Variants in FAM170B observed in about 807,000 individuals in gnomAD.
FAM170B encodes protein FAM170B.
Under a neutral mutation model 3.9 loss-of-function variants are expected in FAM170B, and 4 were observed. That is an observed-to-expected ratio of 1.01 (90% CI 0.50 to 2.32). FAM170B has a LOEUF of 2.32. Among genes scored for constraint, FAM170B ranks in the 30% most tolerant of loss-of-function variants. The pLI is 0.02. For synonymous variants in FAM170B, 163 were observed against 149.8 expected, an observed-to-expected ratio of 1.09 and a Z score of -0.64; for missense variants, 417 against 368.6, an observed-to-expected ratio of 1.13 and a Z score of -1.07.
rs1845180004 is a variant in FAM170B, at chr10:49,131,451, TC to T, written c.*161del. The T allele has an allele frequency of 9.9e-7, 1 of 1,008,720 alleles. No homozygotes were observed. Among genetic ancestry groups the T allele is most frequent in the Admixed American group, 3.0e-5 (1 of 32,906 alleles). The allele number at this position is 1,008,720 out of a possible 1,614,324, so 62.5% of individuals were successfully genotyped here. A position where few individuals can be genotyped will look rare whatever the true frequency, so the allele number is the denominator to read the frequency against. On this transcript the variant is annotated 3_prime_UTR_variant, in exon 2 of 2. Transcript: ENST00000311787. ...GCTGTGCCTAGGGCAGGAAGGGGGT[TC>T]CTTCCAGTCTCCTGGCCCTCCTTGC...
Position 49,132,369 on chromosome 10 carries a change from C to T in FAM170B, c.113-17G>A, listed in dbSNP as rs567395814. The T allele has an allele frequency of 1.3e-6, 2 of 1,514,330 alleles. No homozygotes were observed. Among genetic ancestry groups the T allele is most frequent in the African/African-American group, 2.8e-5 (2 of 72,620 alleles). 93.8% of individuals were successfully genotyped at this position (1,514,330 alleles called of 1,614,324 possible). ...GTATAGTCCCTGAGAAGCAGAAGGACATTGTCATCAGTGCCCTTTAAGGGA... is the reference window on the plus strand; with the variant it reads ...GTATAGTCCCTGAGAAGCAGAAGGATATTGTCATCAGTGCCCTTTAAGGGA... On this transcript the variant is annotated splice_polypyrimidine_tract_variant and intron_variant, in intron 1 of 1. Transcript: ENST00000311787.
Position 49,131,858 on chromosome 10 carries a change from C to G in FAM170B, c.607G>C (p.Gly203Arg). The G allele has an allele frequency of 9.7e-6, 15 of 1,546,368 alleles. No homozygotes were observed. Among genetic ancestry groups the G allele is most frequent in the Non-Finnish European group, 1.2e-5 (14 of 1,146,866 alleles). Residue 203 changes from glycine (G) to arginine (R), a missense_variant, in exon 2 of 2, where the codon GGG (glycine) becomes CGG (arginine). By Grantham distance (125) the Gly-to-Arg change is moderately radical. Coordinates refer to ENST00000311787, the MANE Select transcript of FAM170B (RefSeq NM_001164484.2). Reference protein sequence around the residue: ...PPDWLVTTNYGVRCVACCRVL... With the variant: ...PPDWLVTTNYRVRCVACCRVL... ...CTGCAGCAGGCCACGCAGCGCACCCCGTAGTTGGTGGTGACCAGCCAGTCC... is the reference window on the plus strand; with the variant it reads ...CTGCAGCAGGCCACGCAGCGCACCCGGTAGTTGGTGGTGACCAGCCAGTCC...
Position 49,131,758 on chromosome 10 carries a change from A to C in FAM170B, c.707T>G (p.Phe236Cys). The change falls in exon 2 of 2, where the codon TTT becomes TGT. Residue 236 changes from phenylalanine to cysteine, a missense_variant. Phe to Cys is a radical substitution (Grantham distance 205, BLOSUM62 -2). Coordinates refer to ENST00000311787, the MANE Select transcript of FAM170B (RefSeq NM_001164484.2). ...GIREGFSCQI[F>C]FEEMLERRRA... Reference sequence around the variant, plus strand: ...CCTTCTCTCCAGCATCTCCTCAAAAAAGATCTGACAGCTGAAGCCCTCCCG... The same window carrying C: ...CCTTCTCTCCAGCATCTCCTCAAAACAGATCTGACAGCTGAAGCCCTCCCG... 2 of 1,551,526 alleles carry C rather than the reference A, an allele frequency of 1.3e-6. No homozygotes were observed. The highest frequency in any genetic ancestry group is 1.7e-6 in the Non-Finnish European group (2 of 1,147,000).
Position 49,132,259 on chromosome 10 carries a change from C to T in FAM170B, c.206G>A (p.Arg69Gln). 2 of 1,551,358 alleles carry T rather than the reference C, an allele frequency of 1.3e-6. No homozygotes were observed. The highest frequency in any genetic ancestry group is 1.7e-6 in the Non-Finnish European group (2 of 1,146,932). ...TGAGGATGGGGAGCTGCTCCAGTCC[C>T]GCATCCCCCGGTCCCTGGCAGCGAA... Reference protein sequence around the residue: ...LYFAARDRGMRDWSSSPSSES... With the variant: ...LYFAARDRGMQDWSSSPSSES... The change falls in exon 2 of 2, where the codon CGG becomes CAG. Residue 69 changes from arginine (R) to glutamine (Q), a missense_variant. By Grantham distance (43) the Arg-to-Gln change is conservative. Transcript: ENST00000311787.
At position 49,131,713 on chromosome 10, in the gene FAM170B, T is replaced by C. The variant is rs201873288; in HGVS notation, c.752A>G (p.His251Arg). 9 of 1,551,776 alleles carry C rather than the reference T, an allele frequency of 5.8e-6. No homozygotes were observed. Among genetic ancestry groups the C allele is most frequent in the Admixed American group, 3.9e-5 (2 of 51,014 alleles). Residue 251 changes from histidine to arginine, a missense_variant, in exon 2 of 2, where the codon CAT (histidine) becomes CGT (arginine). Physicochemically the swap from His to Arg is conservative, Grantham distance 29. Transcript: ENST00000311787. ...LERRRAQGQA[H>R]DQQLEEEQSP... ...CTGCTCCTCCTCCAGCTGTTGGTCA[T>C]GTGCTTGGCCCTGAGCCCGCCTTCT...
chr10:49,132,161 C>T lies in FAM170B; in HGVS notation c.304G>A (p.Ala102Thr). 1.3e-6 allele frequency: 2 copies of T among 1,551,780 alleles called. No individual in the cohort carries two copies. The highest frequency in any genetic ancestry group is 1.7e-6 in the Non-Finnish European group (2 of 1,146,998). The part of the protein sequence containing the change: ...CSCMCDEDNA[A>T]PQSVCAFYTH... ...TAGAAGGCACACACACTCTGCGGAGCAGCATTGTCCTCATCGCACATGCAG... is the reference window on the plus strand; with the variant it reads ...TAGAAGGCACACACACTCTGCGGAGTAGCATTGTCCTCATCGCACATGCAG... Residue 102 changes from alanine to threonine, a missense_variant, in exon 2 of 2, where the codon GCT becomes ACT. Physicochemically the swap from Ala to Thr is moderately conservative, Grantham distance 58 (BLOSUM62 0). Coordinates refer to ENST00000311787, the MANE Select transcript of FAM170B (RefSeq NM_001164484.2).
In FAM170B at chr10:49,133,867, T is replaced by C; in HGVS notation, c.52A>G (p.Thr18Ala). ...HRGEQSPTDGTTLSLTSPEST... is the reference protein window; with the variant it reads ...HRGEQSPTDGATLSLTSPEST... ...TCAGGGCTGGTCAAGCTGAGGGTGGTCCCATCGGTGGGTGACTGTTCTCCC... is the reference window on the plus strand; with the variant it reads ...TCAGGGCTGGTCAAGCTGAGGGTGGCCCCATCGGTGGGTGACTGTTCTCCC... The change falls in exon 1 of 2, where the codon ACC (threonine) becomes GCC (alanine). Residue 18 changes from threonine (T) to alanine (A), a missense_variant. Thr to Ala is a moderately conservative substitution (Grantham distance 58, BLOSUM62 0). Transcript: ENST00000311787. 1 of 1,551,694 alleles carries C rather than the reference T, an allele frequency of 6.4e-7. No individual in the cohort carries two copies. The highest frequency in any genetic ancestry group is 2.4e-5 in the East Asian group (1 of 40,914).
intron 1 of FAM170B, among the ~76,000 whole-genome samples, chr10:49,133,210 T>TCAC (rs1433721344): frequency 6.6e-6 from 1 of 152,218 alleles, no homozygotes; most frequent in Admixed American, 6.5e-5. Flanking sequence ...TGACCTGTCT[T>TCAC]CACCTTCCCG....
rs758473535 is a variant in FAM170B at position 49,132,065 on chromosome 10, T to G, written c.400A>C (p.Arg134=). The G allele has an allele frequency of 6.4e-7, 1 of 1,551,748 alleles. No homozygotes were observed. Among genetic ancestry groups the G allele is most frequent in the South Asian group, 1.2e-5 (1 of 84,066 alleles). ...TGGGCTTCATGGATGCGGGGCTTCC[T>G]GGTGACCGGCTCGAAGCCGGCCTCC... The part of the protein sequence containing the change: ...ETEAGFEPVT[R]KPRIHEAQFI... Residue 134 remains arginine, a synonymous_variant, in exon 2 of 2, where the codon AGG becomes CGG. Coordinates refer to ENST00000311787, the MANE Select transcript of FAM170B (RefSeq NM_001164484.2).
In FAM170B at chr10:49,131,934, G is replaced by T. The variant is rs1250736000; in HGVS notation, c.531C>A (p.Pro177=). ...EACKSNCSPE[P]EDIDLLECCL... is the part of the protein sequence containing the mutation. ...AGCACTCCAGCAGGTCTATGTCCTC[G>T]GGCTCGGGGCTGCAGTTGCTCTTGC... Residue 177 remains proline (P), a synonymous_variant, in exon 2 of 2, where the codon CCC becomes CCA. Transcript: ENST00000311787. 1 of 1,550,118 alleles carries T rather than the reference G, an allele frequency of 6.5e-7. No homozygotes were observed. The highest frequency in any genetic ancestry group is 1.2e-5 in the South Asian group (1 of 84,066).
chr10:49,131,566 T>C lies in FAM170B; in HGVS notation c.*47A>G, dbSNP rs1377236642. On this transcript the variant is annotated 3_prime_UTR_variant, in exon 2 of 2. Coordinates refer to ENST00000311787, the MANE Select transcript of FAM170B (RefSeq NM_001164484.2). ...ATACTGCTGGCTGGGGAAGGAGCAG[T>C]CCCAGGCCCTGGAGGTGAGGGCAGG... 6.6e-7 allele frequency: 1 copy of C among 1,510,172 alleles called. No homozygotes were observed. The highest frequency in any genetic ancestry group is 1.4e-5 in the African/African-American group (1 of 72,448). The allele number at this position is 1,510,172 out of a possible 1,614,324, so 93.5% of individuals were successfully genotyped here.
chr10:49,133,294 T>C (rs1201235427), intron 1 of FAM170B, among the ~76,000 whole-genome samples: 1 of 152,162 alleles, frequency 6.6e-6, no homozygotes, highest in Non-Finnish European at 1.5e-5. Flanking sequence ...AAGTTTAATA[T>C]TCAAAACAAC....
At chr10:49,132,845 C>CAA (rs111650567) in intron 1 of FAM170B, among the ~76,000 whole-genome samples, 46 of 142,774 alleles carry the variant, frequency 3.2e-4, no homozygotes, top group African/African-American at 1.1e-3. Context: ...AGAATGTGAA[C>CAA]AAAAAAAAAA....
At position 49,131,778 on chromosome 10, in the gene FAM170B, C is replaced by T; in HGVS notation, c.687G>A (p.Glu229=). ...LLEHAQHGIR[E]GFSCQIFFEE... ...CAAAAAAGATCTGACAGCTGAAGCCCTCCCGGATGCCATGCTGGGCGTGCT... is the reference window on the plus strand; with the variant it reads ...CAAAAAAGATCTGACAGCTGAAGCCTTCCCGGATGCCATGCTGGGCGTGCT... The change falls in exon 2 of 2, where the codon GAG becomes GAA. Residue 229 remains glutamate (E), a synonymous_variant. Transcript: ENST00000311787. 24 of 1,551,056 alleles carry T rather than the reference C, an allele frequency of 1.5e-5. No homozygotes were observed. Among genetic ancestry groups the T allele is most frequent in the Admixed American group, 2.0e-5 (1 of 51,014 alleles).
In FAM170B at chr10:49,131,416, TG is replaced by T; in HGVS notation, c.*196del. The stretch of plus-strand genomic sequence containing the variant: ...CTCGTTTGGGTTTTGAAATGGACTC[TG>T]GTGGAGATGCTGTGCCTAGGGCAGG... On this transcript the variant is annotated 3_prime_UTR_variant, in exon 2 of 2. Transcript: ENST00000311787. The T allele has an allele frequency of 1.4e-6, 1 of 695,102 alleles. No homozygotes were observed. Among genetic ancestry groups the T allele is most frequent in the Non-Finnish European group, 2.2e-6 (1 of 449,338 alleles). 43.1% of individuals were successfully genotyped at this position (695,102 alleles called of 1,614,324 possible).
At position 49,132,146 on chromosome 10, in the gene FAM170B, A is replaced by G. The variant is rs117211503; in HGVS notation, c.319T>C (p.Cys107Arg). The G allele has an allele frequency of 1.4e-3, 2,121 of 1,551,768 alleles. 50 individuals are homozygous for G. The East Asian group carries it at 0.04, about 29-fold the overall frequency. The change falls in exon 2 of 2, where the codon TGT becomes CGT. Residue 107 changes from cysteine to arginine, a missense_variant. Transcript: ENST00000311787. ...GTCTGCACGTGCGTGTAGAAGGCACACACACTCTGCGGAGCAGCATTGTCC... is the reference window on the plus strand; with the variant it reads ...GTCTGCACGTGCGTGTAGAAGGCACGCACACTCTGCGGAGCAGCATTGTCC... ...DEDNAAPQSV[C>R]AFYTHVQTVR... is the part of the protein sequence containing the mutation.
In FAM170B at chr10:49,131,621, T is replaced by A. The variant is rs142302239; in HGVS notation, c.844A>T (p.Lys282Ter). 6.4e-7 allele frequency: 1 copy of A among 1,550,502 alleles called. No individual in the cohort carries two copies. Among genetic ancestry groups the A allele is most frequent in the Admixed American group, 2.0e-5 (1 of 50,984 alleles). Residue 282 changes from lysine (K) to a stop codon, truncating the protein, a stop_gained, in exon 2 of 2, where the codon AAG becomes TAG. Transcript: ENST00000311787. LOFTEE classifies it high-confidence loss of function. ...GGTATCTCCCCTCTGGCTCACTGCT[T>A]CTCCTGCTGCTGTGCTGAGAGCACC... ...GEVLSAQQQE[K>*]Q
Position 49,133,835 on chromosome 10 carries a change from A to C in FAM170B, c.84T>G (p.Thr28=). 6.4e-7 allele frequency: 1 copy of C among 1,551,584 alleles called. No homozygotes were observed. Among genetic ancestry groups the C allele is most frequent in the Non-Finnish European group, 8.7e-7 (1 of 1,146,964 alleles). ...TTLSLTSPES[T]EESVEVFWPG... ...GCCAGAACACTTCCACACTCTCCTC[A>C]GTGGACTCAGGGCTGGTCAAGCTGA... Residue 28 remains threonine, a synonymous_variant, in exon 1 of 2, where the codon ACT becomes ACG. Transcript: ENST00000311787.
In FAM170B at chr10:49,131,851, C is replaced by CG. The variant is rs1353330323; in HGVS notation, c.613dup (p.Arg205ProfsTer34). On this transcript the variant is annotated frameshift_variant, in exon 2 of 2. Transcript: ENST00000311787. LOFTEE classifies it low-confidence loss of function (END_TRUNC). ...CAAGACCCTGCAGCAGGCCACGCAGCGCACCCCGTAGTTGGTGGTGACCAG... is the reference window on the plus strand; with the variant it reads ...CAAGACCCTGCAGCAGGCCACGCAGCGGCACCCCGTAGTTGGTGGTGACCAG... 6.5e-7 allele frequency: 1 copy of CG among 1,546,262 alleles called. No individual in the cohort carries two copies. Among genetic ancestry groups the CG allele is most frequent in the Non-Finnish European group, 8.7e-7 (1 of 1,146,872 alleles).
Sources: gnomAD v4.1 joint callset for allele counts (sites outside exome capture counted in the v4.1 genomes callset) on GRCh38, gnomAD v4.1.1 for gene constraint, MANE v1.5 for transcripts, NCBI Gene and HGNC (gene_info 2026-07-23, HGNC 2026-07-21) for gene names.